PLCG2: variants seen among roughly 807,000 people sequenced by gnomAD.
The protein encoded by PLCG2 is 1-phosphatidylinositol 4,5-bisphosphate phosphodiesterase gamma-2.
In PLCG2, 69 loss-of-function variants were observed where a neutral mutation model predicts 175.6. The ratio of observed to expected loss-of-function variants is 0.39; its 90% CI spans 0.32 to 0.48. PLCG2 has a LOEUF of 0.48. Among genes scored for constraint, PLCG2 ranks in the 20% least tolerant of loss-of-function variants. The pLI, the probability that PLCG2 is intolerant of heterozygous loss-of-function variation, is 0.91. For synonymous variants in PLCG2, 827 were observed against 624.0 expected (o/e 1.33, Z -4.85); for missense variants, 1,798 against 1,650.9 (o/e 1.09, Z -1.54).
At chr16:81,786,561 C>G (rs1466383474) in intron 2 of PLCG2, among the ~76,000 whole-genome samples, 1 of 152,192 alleles carries the variant, frequency 6.6e-6, no homozygotes, top group Non-Finnish European at 1.5e-5. Flanking sequence ...AAACTCATAG[C>G]TTGGTCGCCA....
intron 2 of PLCG2, among the ~76,000 whole-genome samples, chr16:81,802,091 G>GTTTTTT (rs1249304271): frequency 1.3e-4 from 7 of 53,508 alleles, no homozygotes; most frequent in East Asian, 7.8e-4. Flanking sequence ...GGTGAGTACA[G>GTTTTTT]TCTTTTTTTT....
chr16:81,793,308 G>T (rs947695169), intron 2 of PLCG2, among the ~76,000 whole-genome samples: 3 of 152,208 alleles, frequency 2.0e-5, no homozygotes, highest in African/African-American at 7.2e-5. Flanking sequence ...TCCTTTCTGA[G>T]GGACCTAGTT....
intron 9 of PLCG2, among the ~76,000 whole-genome samples, chr16:81,886,225 CG>C (rs1391607175): frequency 6.6e-6 from 1 of 152,186 alleles, no homozygotes; most frequent in Non-Finnish European, 1.5e-5. Flanking sequence ...TTTCCCCAAA[CG>C]GGGCCCTTTG....
chr16:81,907,445 C>T (rs1909423543), intron 15 of PLCG2, among the ~76,000 whole-genome samples: 1 of 152,154 alleles, frequency 6.6e-6, no homozygotes, highest in African/African-American at 2.4e-5. Flanking sequence ...ACCTTAGACT[C>T]ATGGATCTAA....
chr16:81,796,928 C>G (rs955077395), intron 2 of PLCG2, among the ~76,000 whole-genome samples: 7 of 152,210 alleles, frequency 4.6e-5, no homozygotes, highest in African/African-American at 1.7e-4. Flanking sequence ...TCTCATGTAA[C>G]AGGGGCCTGA....
intron 2 of PLCG2, among the ~76,000 whole-genome samples, chr16:81,788,546 A>G (rs781149785): frequency 1.3e-5 from 2 of 152,172 alleles, no homozygotes; most frequent in Non-Finnish European, 2.9e-5. Flanking sequence ...GCACCCCACA[A>G]AAGAGGTTGC....
At position 81,958,225 on chromosome 16, in the gene PLCG2, C is replaced by T; in HGVS notation, c.*227C>T. ...CTTATATTCTTTATAGAGGATTCCC[C>T]AAAATGTGCTCCTCATTTTTGGCCT... On this transcript the variant is annotated 3_prime_UTR_variant, in exon 33 of 33. Coordinates refer to ENST00000564138, the MANE Select transcript of PLCG2 (RefSeq NM_002661.5). 1.8e-6 allele frequency: 1 copy of T among 541,416 alleles called. No individual in the cohort carries two copies. Among genetic ancestry groups the T allele is most frequent in the Non-Finnish European group, 3.4e-6 (1 of 298,376 alleles). 33.5% of individuals were successfully genotyped at this position (541,416 alleles called of 1,614,324 possible). A position where few individuals can be genotyped will look rare whatever the true frequency, so the allele number is the denominator to read the frequency against.
intron 2 of PLCG2, among the ~76,000 whole-genome samples, chr16:81,787,663 T>C (rs2143183067): frequency 6.6e-6 from 1 of 152,058 alleles, no homozygotes; most frequent in African/African-American, 2.4e-5. Context: ...CAAGCACCAC[T>C]CCAATCAAAA....
chr16:81,906,229 G>C (rs538208486), intron 15 of PLCG2: 7 of 152,090 alleles, frequency 4.6e-5, no homozygotes, highest in Admixed American at 2.0e-4. Flanking sequence ...TCCAGTACCC[G>C]GTGCTGCCGT....
At chr16:81,843,983 CTT>C (rs747447593) in intron 2 of PLCG2, among the ~76,000 whole-genome samples, 1 of 143,314 alleles carries the variant, frequency 7.0e-6, no homozygotes. Context: ...TTCTTTCTTT[CTT>C]TTTTTTTTTG....
Position 81,960,455 on chromosome 16 carries a change from T to G in PLCG2, c.*2457T>G, listed in dbSNP as rs760340645. On this transcript the variant is annotated 3_prime_UTR_variant, in exon 33 of 33. Transcript: ENST00000564138. Reference sequence around the variant, plus strand: ...TTTTTGTTCACCATTTTCCTAAGTGTGTTATTTAGAATATTGGTTATTACA... The same window carrying G: ...TTTTTGTTCACCATTTTCCTAAGTGGGTTATTTAGAATATTGGTTATTACA... The G allele has an allele frequency of 2.2e-5, 5 of 228,600 alleles. No individual in the cohort carries two copies. Among genetic ancestry groups the G allele is most frequent in the Non-Finnish European group, 2.6e-5 (3 of 115,290 alleles). 14.2% of individuals were successfully genotyped at this position (228,600 alleles called of 1,614,324 possible).
At chr16:81,907,188 A>G (rs1332257559) in intron 15 of PLCG2, among the ~76,000 whole-genome samples, 2 of 152,132 alleles carry the variant, frequency 1.3e-5, no homozygotes, top group African/African-American at 4.8e-5. Flanking sequence ...GTTTCTGCAT[A>G]CCCTGCACCC....
chr16:81,913,588 G>T lies in PLCG2; in HGVS notation c.2054+872G>T, dbSNP rs1831113583. Among the ~76,000 whole-genome samples the T allele has an allele frequency of 1.3e-5, 2 of 152,256 alleles. 1 individual carries two copies. Among genetic ancestry groups the T allele is most frequent in the African/African-American group, 4.8e-5 (2 of 41,470 alleles). On this transcript the variant is annotated intron_variant, in intron 19 of 32. Coordinates refer to ENST00000564138, the MANE Select transcript of PLCG2 (RefSeq NM_002661.5). ...GGGCCAAATCTCCAGCCAGAGGCCT[G>T]TGGGCGTCTTTTGTACACTGATGTG...
chr16:81,758,301 G>T (rs547838475), intron 2 of PLCG2, among the ~76,000 whole-genome samples: 5 of 152,086 alleles, frequency 3.3e-5, no homozygotes, highest in African/African-American at 1.2e-4. Flanking sequence ...CATTTTCAAC[G>T]TTTATTCATT....
In PLCG2 at chr16:81,956,687, T is replaced by A; in HGVS notation, c.3571-8T>A. ...CCACATGGTTGTTCTCTCCCCTGCA[T>A]CCTCCAGGAGAGCGAAGAGGAACTT... On this transcript the variant is annotated splice_polypyrimidine_tract_variant and splice_region_variant and intron_variant, in intron 31 of 32. Transcript: ENST00000564138. 1.2e-6 allele frequency: 2 copies of A among 1,612,458 alleles called. No homozygotes were observed. The highest frequency in any genetic ancestry group is 1.7e-6 in the Non-Finnish European group (2 of 1,179,210).
chr16:81,810,002 C>CT (rs35028755), intron 2 of PLCG2, among the ~76,000 whole-genome samples: 126 of 147,928 alleles, frequency 8.5e-4, no homozygotes, highest in African/African-American at 3.0e-3. Context: ...TTTTTTTTTT[C>CT]TTTTTTTTGA....
At chr16:81,866,627 C>T (rs35091405) in intron 5 of PLCG2, among the ~76,000 whole-genome samples, 2 of 106,828 alleles carry the variant, frequency 1.9e-5, no homozygotes, top group African/African-American at 5.7e-5. Context: ...AGGATGCTGG[C>T]CTCTCCCTTG....
At chr16:81,761,914 C>A (rs946967263) in intron 2 of PLCG2, among the ~76,000 whole-genome samples, 1 of 149,734 alleles carries the variant, frequency 6.7e-6, no homozygotes, top group Non-Finnish European at 1.5e-5. Flanking sequence ...TCACTCTAAC[C>A]TCTGCCTCCT....
rs537270443 is a variant in PLCG2, at chr16:81,860,522, G to T, written c.479+1359G>T. ...GGGCAAGAGGGCACCCTTTCCTGAT[G>T]ATTTATTGTGCCATTAGACTTTGAT... On this transcript the variant is annotated intron_variant, in intron 5 of 32. Coordinates refer to ENST00000564138, the MANE Select transcript of PLCG2 (RefSeq NM_002661.5). Among the ~76,000 whole-genome samples the T allele has an allele frequency of 5.3e-4, 80 of 152,224 alleles. No homozygotes were observed. The South Asian group carries it at 7.3e-3, about 14-fold the overall frequency.
Sources: allele counts gnomAD v4.1 joint callset (sites outside exome capture counted in the v4.1 genomes callset), GRCh38; gene constraint gnomAD v4.1.1; transcripts MANE v1.5; gene names NCBI Gene and HGNC (gene_info 2026-07-23, HGNC 2026-07-21).